TBC1D20: variants seen among roughly 807,000 people sequenced by gnomAD.
TBC1D20 encodes the protein TBC1 domain family member 20.
In TBC1D20, 12 loss-of-function variants were observed where a neutral mutation model predicts 41.6. The observed-to-expected ratio is 0.29, with a 90% CI of 0.18 to 0.47. TBC1D20 has a LOEUF of 0.47. TBC1D20 is among the 20% of genes least tolerant of loss of function. The pLI is 1.00. For synonymous variants in TBC1D20, 205 were observed against 204.8 expected (o/e 1.00, Z -0.01); for missense variants, 421 against 517.4 (o/e 0.81, Z 1.81).
rs1486686169 is a variant in TBC1D20 at position 447,998 on chromosome 20, G to C, written c.147C>G (p.Ala49=). Residue 49 remains alanine (A), a synonymous_variant, in exon 2 of 8, where the codon GCC becomes GCG. Transcript: ENST00000354200. ...CTTCACTGATAGCCATGCGTCTAAG[G>C]GCAGCCACATCAGTGGGATCACTGT... The part of the protein sequence containing the change: ...ALNSDPTDVA[A]LRRMAISEGG... The C allele has an allele frequency of 6.2e-7, 1 of 1,613,902 alleles. No homozygotes were observed. The highest frequency in any genetic ancestry group is 1.3e-5 in the African/African-American group (1 of 74,914).
At chr20:456,685 C>A (rs1034053231) in intron 1 of TBC1D20, among the ~76,000 whole-genome samples, 1 of 152,164 alleles carries the variant, frequency 6.6e-6, no homozygotes. Flanking sequence ...CTGCCTCAGC[C>A]TCCCGAGTAG....
intron 3 of TBC1D20, among the ~76,000 whole-genome samples, chr20:443,649 G>C (rs1027311438): frequency 6.6e-6 from 1 of 152,202 alleles, no homozygotes; most frequent in Admixed American, 6.5e-5. Context: ...AGGTGAAGCA[G>C]TGAAAGGAGT....
At chr20:462,207 C>CTA in intron 1 of TBC1D20, 129 bp downstream of exon 1, 1 of 503,700 alleles carries the variant, frequency 2.0e-6, no homozygotes, top group South Asian at 8.4e-5. Context: ...CTGTTCCTCT[C>CTA]GCCGCCCGGA....
At chr20:440,536 A>G in intron 5 of TBC1D20, 147 bp from the exon 6 acceptor site, 1 of 997,456 alleles carries the variant, frequency 1.0e-6, no homozygotes, top group Non-Finnish European at 1.4e-6. Context: ...TTCTCCTTAC[A>G]AAATATTTAA....
chr20:446,774 A>C (rs2017340066), intron 2 of TBC1D20, among the ~76,000 whole-genome samples: 1 of 151,830 alleles, frequency 6.6e-6, no homozygotes, highest in Non-Finnish European at 1.5e-5. Flanking sequence ...CTAAGACTAC[A>C]GCCGTGCACC....
intron 5 of TBC1D20, chr20:441,130 T>A (rs888755149): frequency 1.6e-4 from 25 of 155,158 alleles, no homozygotes; most frequent in African/African-American, 4.6e-4. Context: ...TAAAAAATTT[T>A]AAAAAAAGAG....
At chr20:460,463 C>A (rs1258262336) in intron 1 of TBC1D20, among the ~76,000 whole-genome samples, 1 of 151,698 alleles carries the variant, frequency 6.6e-6, no homozygotes, top group Non-Finnish European at 1.5e-5. Flanking sequence ...TGCTTTAACT[C>A]CACGTCTGTA....
chr20:453,449 C>T (rs2017485752), intron 1 of TBC1D20, among the ~76,000 whole-genome samples: 1 of 147,588 alleles, frequency 6.8e-6, no homozygotes, highest in South Asian at 2.2e-4. Context: ...CCACTGCACT[C>T]TAGCCTGGGC....
intron 3 of TBC1D20, among the ~76,000 whole-genome samples, chr20:444,125 G>A (rs1469344151): frequency 2.8e-4 from 40 of 145,450 alleles, no homozygotes; most frequent in Admixed American, 4.9e-4. Context: ...GTGAAACTCT[G>A]TCTTTAAAAA....
chr20:457,014 G>A (rs1161079239), intron 1 of TBC1D20, among the ~76,000 whole-genome samples: 7 of 140,638 alleles, frequency 5.0e-5, no homozygotes, highest in African/African-American at 8.1e-5. Flanking sequence ...TCAGCTCACC[G>A]CAACCTCCAC....
chr20:446,912 G>T (rs141177634), intron 2 of TBC1D20, among the ~76,000 whole-genome samples: 69 of 149,512 alleles, frequency 4.6e-4, no homozygotes, highest in African/African-American at 1.6e-3. Context: ...AATTACAGGT[G>T]TGAGTCACCT....
At chr20:455,249 A>G (rs1309528017) in intron 1 of TBC1D20, among the ~76,000 whole-genome samples, 2 of 152,208 alleles carry the variant, frequency 1.3e-5, no homozygotes, top group Non-Finnish European at 2.9e-5. Flanking sequence ...AATTGTTCAC[A>G]GCAAACCCTT....
At chr20:446,920 C>G (rs924979387) in intron 2 of TBC1D20, among the ~76,000 whole-genome samples, 2 of 151,108 alleles carry the variant, frequency 1.3e-5, no homozygotes, top group African/African-American at 4.9e-5. Flanking sequence ...GTGTGAGTCA[C>G]CTCGCCCAGC....
chr20:450,471 T>C (rs1242629671), intron 1 of TBC1D20, among the ~76,000 whole-genome samples: 1 of 152,028 alleles, frequency 6.6e-6, no homozygotes, highest in East Asian at 1.9e-4. Context: ...TCAAAACCAG[T>C]GTCAAAGGGT....
At chr20:440,442 T>C in intron 5 of TBC1D20, 53 bp from the exon 6 acceptor site, 1 of 1,603,672 alleles carries the variant, frequency 6.2e-7, no homozygotes, top group Non-Finnish European at 8.5e-7. Context: ...CCCTTCCCTC[T>C]CTCTGGGCCT....
chr20:436,651 G>A lies in TBC1D20; in HGVS notation c.*1935C>T, dbSNP rs1030200797. Reference sequence around the variant, plus strand: ...GATGACAAGAGGGCCAGCTTGCTTTGGGAGAGCACTGGGAATATCTGCCGC... The same window carrying A: ...GATGACAAGAGGGCCAGCTTGCTTTAGGAGAGCACTGGGAATATCTGCCGC... On this transcript the variant is annotated 3_prime_UTR_variant, in exon 8 of 8. Coordinates refer to ENST00000354200, the MANE Select transcript of TBC1D20 (RefSeq NM_144628.4). The A allele has an allele frequency of 6.5e-6, 1 of 153,690 alleles. No homozygotes were observed. The highest frequency in any genetic ancestry group is 1.5e-5 in the Non-Finnish European group (1 of 68,046). The allele number at this position is 153,690 out of a possible 1,614,324, so 9.5% of individuals were successfully genotyped here.
intron 3 of TBC1D20, 87 bp from the exon 4 acceptor site, chr20:442,130 A>G: frequency 8.2e-7 from 1 of 1,215,146 alleles, no homozygotes; most frequent in Non-Finnish European, 1.1e-6. Flanking sequence ...GAATTTTCAG[A>G]GAAAAAAGGA....
Position 439,071 on chromosome 20 carries a change from G to T in TBC1D20, c.956+37C>A. 1 of 1,581,056 alleles carries T rather than the reference G, an allele frequency of 6.3e-7. No homozygotes were observed. Among genetic ancestry groups the T allele is most frequent in the Non-Finnish European group, 8.6e-7 (1 of 1,163,128 alleles). ...CTTCCCTCGCTTCTGCTCATTTACA[G>T]CCACCCCCATTCAACCAGTGTCCCA... On this transcript the variant is annotated intron_variant, in intron 7 of 7. Coordinates refer to ENST00000354200, the MANE Select transcript of TBC1D20 (RefSeq NM_144628.4). This position sits in a 1 kb window ranked among gnomAD's most constrained non-coding sequence, Gnocchi z 4.6.
chr20:439,225 G>A lies in TBC1D20; in HGVS notation c.839C>T (p.Ser280Phe). 6.2e-7 allele frequency: 1 copy of A among 1,614,176 alleles called. No individual in the cohort carries two copies. Residue 280 changes from serine to phenylalanine, a missense_variant, in exon 7 of 8, where the codon TCC becomes TTC. Physicochemically the swap from Ser to Phe is radical, Grantham distance 155. This residue lies in a region of TBC1D20 where 161 missense variants were observed against 182.7 expected (regional missense o/e 0.88). Coordinates refer to ENST00000354200, the MANE Select transcript of TBC1D20 (RefSeq NM_144628.4). The surrounding 1 kb of genome is among the most constrained non-coding windows in gnomAD (Gnocchi z 4.6). The part of the protein sequence containing the change: ...CDMASVHHLL[S>F]QIPQDLPYET... ...ATAGGGCAAGTCCTGAGGGATCTGG[G>A]ACAACAGGTGGTGGACCGAGGCCAT...
Sources: allele counts gnomAD v4.1 joint callset (sites outside exome capture counted in the v4.1 genomes callset), GRCh38; gene constraint gnomAD v4.1.1; regional missense constraint gnomAD v4.1.1; non-coding constraint Gnocchi (gnomAD v3.1); transcripts MANE v1.5; gene names NCBI Gene and HGNC (gene_info 2026-07-23, HGNC 2026-07-21).